The following MED12L variants were observed in gnomAD, a reference collection of about 807,000 sequenced individuals.
The protein encoded by MED12L is mediator of RNA polymerase II transcription subunit 12-like protein.
Under a neutral mutation model 281.3 loss-of-function variants are expected in MED12L, and 60 were observed. The observed-to-expected ratio is 0.21, with a 90% CI of 0.17 to 0.26. The LOEUF (loss-of-function observed/expected upper bound fraction) is 0.26, where lower values mean the gene tolerates loss of function less well. Ranked by LOEUF, MED12L falls within the 10% of genes least tolerant of loss-of-function variation. The pLI is 1.00. For missense variants in MED12L, 2,146 were observed against 2,680.9 expected, an observed-to-expected ratio of 0.80 and a Z score of 4.41; for synonymous variants, 974 against 987.2, an observed-to-expected ratio of 0.99 and a Z score of 0.25.
chr3:151,368,321 G>T (rs2107952144), intron 25 of MED12L, 70 bp downstream of exon 25: 2 of 1,348,176 alleles, frequency 1.5e-6, no homozygotes, highest in Non-Finnish European at 1.1e-6. Flanking sequence ...GACCAAATAG[G>T]CTGTCCCTTT....
At chr3:151,428,731 A>G (rs1028795310) in intron 43 of MED12L, among the ~76,000 whole-genome samples, 1 of 152,242 alleles carries the variant, frequency 6.6e-6, no homozygotes, top group Non-Finnish European at 1.5e-5. Context: ...GGATTGCCAC[A>G]TAAAATACAC....
chr3:151,390,215 C>G (rs922376483), intron 38 of MED12L, 80 bp downstream of exon 38: 25 of 1,410,652 alleles, frequency 1.8e-5, no homozygotes, highest in Non-Finnish European at 2.4e-5. Flanking sequence ...GAAACCTCCA[C>G]AAAACTTGGA....
intron 16 of MED12L, among the ~76,000 whole-genome samples, chr3:151,291,963 A>G (rs890879370): frequency 6.6e-6 from 1 of 152,242 alleles, no homozygotes; most frequent in African/African-American, 2.4e-5. Flanking sequence ...CTACTATCAC[A>G]TTAAACATGC....
In MED12L at chr3:151,308,884, G is replaced by A. The variant is rs1250705633; in HGVS notation, c.2251-41175G>A. ...CCTTAATGCTGTTTAAGTTAATGGA[G>A]TAAGACAATTACCTAAGAGAGCATT... On this transcript the variant is annotated intron_variant, in intron 16 of 44. Transcript: ENST00000687756. Among the ~76,000 whole-genome samples the A allele has an allele frequency of 2.0e-5, 3 of 152,140 alleles. No individual in the cohort carries two copies. In the East Asian group the frequency reaches 5.8e-4, roughly 29 times the overall value.
chr3:151,223,759 G>C (rs1729895965), intron 16 of MED12L, among the ~76,000 whole-genome samples: 1 of 152,154 alleles, frequency 6.6e-6, no homozygotes, highest in Non-Finnish European at 1.5e-5. Context: ...TTTGGGTGAT[G>C]GGTTCACTAG....
chr3:151,170,399 C>T (rs879856521), intron 11 of MED12L, among the ~76,000 whole-genome samples: 2 of 151,708 alleles, frequency 1.3e-5, no homozygotes, highest in African/African-American at 2.4e-5. Context: ...CTCAGCCTCC[C>T]GAGTAGCTGG....
chr3:151,222,399 C>T (rs1241551536), intron 16 of MED12L, among the ~76,000 whole-genome samples: 1 of 152,110 alleles, frequency 6.6e-6, no homozygotes, highest in Non-Finnish European at 1.5e-5. Context: ...GCTCTGTGTC[C>T]CCACCCAAAT....
chr3:151,333,942 G>A (rs559569395), intron 16 of MED12L, among the ~76,000 whole-genome samples: 16 of 152,046 alleles, frequency 1.1e-4, no homozygotes, highest in African/African-American at 3.4e-4. Context: ...GCCAGGCATG[G>A]TGGCAGGTGC....
intron 16 of MED12L, among the ~76,000 whole-genome samples, chr3:151,293,677 A>ACACACACACACACACC (rs200041934): frequency 4.1e-5 from 5 of 121,348 alleles, no homozygotes; most frequent in African/African-American, 1.9e-4. Context: ...ACACACACAC[A>ACACACACACACACACC]CCCTCTACCT....
chr3:151,298,670 G>A (rs535815881), intron 16 of MED12L, among the ~76,000 whole-genome samples: 2 of 152,250 alleles, frequency 1.3e-5, no homozygotes, highest in African/African-American at 4.8e-5. Flanking sequence ...TGTTTGGGAC[G>A]TAAGGGAACT....
chr3:151,422,267 C>T (rs1718334086), intron 43 of MED12L, among the ~76,000 whole-genome samples: 1 of 152,154 alleles, frequency 6.6e-6, no homozygotes, highest in African/African-American at 2.4e-5. Flanking sequence ...TGCTAGAACT[C>T]CCTAACAAAG....
intron 16 of MED12L, among the ~76,000 whole-genome samples, chr3:151,235,633 G>A (rs1247918258): frequency 4.6e-5 from 7 of 152,094 alleles, no homozygotes; most frequent in Non-Finnish European, 2.9e-5. Flanking sequence ...GGCAGAGGTC[G>A]CAGTGAGCTG....
At chr3:151,214,415 G>T in intron 16 of MED12L, 1 of 1,020,670 alleles carries the variant, frequency 9.8e-7, no homozygotes, top group Non-Finnish European at 1.4e-6. Context: ...ATAAGGCAAA[G>T]GGCAATGAAT....
intron 8 of MED12L, among the ~76,000 whole-genome samples, chr3:151,162,942 G>A (rs1361234417): frequency 6.6e-6 from 1 of 152,130 alleles, no homozygotes; most frequent in Admixed American, 6.5e-5. Context: ...TTGCCTCATA[G>A]GGTTAAGGTT....
intron 26 of MED12L, among the ~76,000 whole-genome samples, chr3:151,371,944 T>C (rs1426352435): frequency 6.6e-6 from 1 of 152,200 alleles, no homozygotes; most frequent in Non-Finnish European, 1.5e-5. Context: ...TACTAAAGAT[T>C]TATCAGGTAA....
At chr3:151,350,523 A>G (rs892293546) in intron 17 of MED12L, among the ~76,000 whole-genome samples, 1 of 152,164 alleles carries the variant, frequency 6.6e-6, no homozygotes, top group African/African-American at 2.4e-5. Context: ...GTAATAAATG[A>G]AGTACTGAAG....
chr3:151,430,372 A>G lies in MED12L; in HGVS notation c.6482A>G (p.Gln2161Arg). ...GCCTTGGTGCGGCAGCTCCAGAAGC[A>G]GCTTTCCAGTAAGTACCCCTGTGTG... ...TAALVRQLQK[Q>R]LSSNQPQQGV... The change falls in exon 44 of 45, where the codon CAG becomes CGG. Residue 2161 changes from glutamine (Q) to arginine (R), a missense_variant. Gln to Arg is a conservative substitution (Grantham distance 43, BLOSUM62 1). Coordinates refer to ENST00000687756, the MANE Select transcript of MED12L (RefSeq NM_001393769.1). The G allele has an allele frequency of 6.2e-7, 1 of 1,614,138 alleles. No homozygotes were observed.
chr3:151,171,191 A>G (rs1339725437), intron 11 of MED12L, among the ~76,000 whole-genome samples: 1 of 152,152 alleles, frequency 6.6e-6, no homozygotes. Context: ...ACATCCACAC[A>G]AAGGAGTCGT....
At chr3:151,357,773 C>A (rs998188560) in intron 20 of MED12L, among the ~76,000 whole-genome samples, 2 of 152,186 alleles carry the variant, frequency 1.3e-5, no homozygotes, top group African/African-American at 4.8e-5. Context: ...ACATTATCAT[C>A]TTAGAAATTT....
Sources: allele counts gnomAD v4.1 joint callset (sites outside exome capture counted in the v4.1 genomes callset), GRCh38; gene constraint gnomAD v4.1.1; transcripts MANE v1.5; gene names NCBI Gene and HGNC (gene_info 2026-07-23, HGNC 2026-07-21).